The following CLGN variants were observed in gnomAD, a reference collection of about 807,000 sequenced individuals.
CLGN encodes calmegin, also known as testis tissue sperm-binding protein Li 79P.
Under a neutral mutation model 79.1 loss-of-function variants are expected in CLGN, and 62 were observed. The ratio of observed to expected loss-of-function variants is 0.78; its 90% confidence interval spans 0.64 to 0.97. CLGN has a LOEUF of 0.97. Among genes scored for constraint, CLGN ranks in the 50% least tolerant of loss-of-function variants. CLGN has a pLI of 0.00. For synonymous variants in CLGN, 225 were observed against 224.7 expected, an observed-to-expected ratio of 1.00 and a Z score of -0.01; for missense variants, 647 against 715.5, an observed-to-expected ratio of 0.90 and a Z score of 1.09.
At chr4:140,390,789 G>C in intron 13 of CLGN, 61 bp from the exon 14 acceptor site, 1 of 1,081,884 alleles carries the variant, frequency 9.2e-7, no homozygotes, top group Non-Finnish European at 1.3e-6. Context: ...CTACTGAAAA[G>C]TATTAAATAC....
intron 5 of CLGN, among the ~76,000 whole-genome samples, chr4:140,404,548 C>A (rs977152221): frequency 1.3e-5 from 2 of 151,898 alleles, no homozygotes; most frequent in East Asian, 3.9e-4. Flanking sequence ...TTTTATTTAC[C>A]CCATTTCATT....
chr4:140,425,622 C>CTTTTTTTTTTTTTT (rs60198755), intron 1 of CLGN, among the ~76,000 whole-genome samples: 4 of 97,192 alleles, frequency 4.1e-5, no homozygotes, highest in Non-Finnish European at 7.6e-5. Context: ...TTTGTAATTC[C>CTTTTTTTTTTTTTT]TTTTTTTTTT....
chr4:140,413,368 A>G (rs1729250416), intron 1 of CLGN, among the ~76,000 whole-genome samples: 1 of 152,214 alleles, frequency 6.6e-6, no homozygotes, highest in Non-Finnish European at 1.5e-5. Context: ...ATGGCCGAAT[A>G]GGAACAGCTC....
intron 14 of CLGN, among the ~76,000 whole-genome samples, chr4:140,389,937 T>C (rs1325824320): frequency 6.6e-6 from 1 of 151,938 alleles, no homozygotes; most frequent in East Asian, 1.9e-4. Context: ...TATGTTAGGA[T>C]GGTGACTCTG....
chr4:140,396,934 T>C (rs1560740131), intron 8 of CLGN, among the ~76,000 whole-genome samples: 1 of 143,630 alleles, frequency 7.0e-6, no homozygotes, highest in Admixed American at 7.2e-5. Flanking sequence ...CACATATATA[T>C]ATATACACAT....
intron 8 of CLGN, among the ~76,000 whole-genome samples, chr4:140,397,073 T>C (rs1384007506): frequency 2.0e-5 from 3 of 151,724 alleles, no homozygotes; most frequent in Non-Finnish European, 4.4e-5. Context: ...AATGCCATAG[T>C]GAATGTCCTA....
intron 1 of CLGN, among the ~76,000 whole-genome samples, chr4:140,422,660 A>G (rs1337480346): frequency 6.6e-6 from 1 of 152,200 alleles, no homozygotes; most frequent in Non-Finnish European, 1.5e-5. Context: ...TCTGTTACCC[A>G]GGCTGGAGTG....
At chr4:140,420,521 T>C (rs975096024) in intron 1 of CLGN, among the ~76,000 whole-genome samples, 1 of 150,108 alleles carries the variant, frequency 6.7e-6, no homozygotes, top group African/African-American at 2.4e-5. Flanking sequence ...CTGTAGACAA[T>C]GCAGTTCTAT....
Position 140,402,035 on chromosome 4 carries a change from A to T in CLGN, c.451T>A (p.Cys151Ser). 1.3e-6 allele frequency: 2 copies of T among 1,581,330 alleles called. No homozygotes were observed. The highest frequency in any genetic ancestry group is 1.7e-6 in the Non-Finnish European group (2 of 1,160,984). ...AGGAGTTTAATGTATGCACCTCCAC[A>T]ATCAATACCATCTTGAAAATTTACT... ...YEVNFQDGIDCGGAYIKLLAD... is the reference protein window; with the variant it reads ...YEVNFQDGIDSGGAYIKLLAD... The change falls in exon 6 of 15, where the codon TGT (cysteine) becomes AGT (serine). Residue 151 changes from cysteine to serine, a missense_variant. Transcript: ENST00000325617.
In CLGN at chr4:140,398,862, T is replaced by C. The variant is rs1306133967; in HGVS notation, c.873A>G (p.Lys291=). The part of the protein sequence containing the change: ...RAKIPDPSAV[K]PEDWDESEPA... ...AATTATTTGCTTACCAGTCTTCTGG[T>C]TTGACGGCAGAAGGATCAGGAATTT... The change falls in exon 8 of 15, where the codon AAA becomes AAG. Residue 291 remains lysine, a synonymous_variant. Transcript: ENST00000325617. 10 of 1,613,748 alleles carry C rather than the reference T, an allele frequency of 6.2e-6. No individual in the cohort carries two copies. In the East Asian group the frequency reaches 2.0e-4, roughly 32 times the overall value.
chr4:140,398,572 A>G (rs1728937825), intron 8 of CLGN, among the ~76,000 whole-genome samples: 1 of 152,084 alleles, frequency 6.6e-6, no homozygotes, highest in South Asian at 2.1e-4. Context: ...AAATTAAAGC[A>G]CTGGTATTTT....
At chr4:140,416,813 C>A (rs1253414575) in intron 1 of CLGN, among the ~76,000 whole-genome samples, 2 of 151,762 alleles carry the variant, frequency 1.3e-5, no homozygotes, top group Non-Finnish European at 2.9e-5. Flanking sequence ...CTATTCCAAT[C>A]AATAGAAAAA....
rs1728866081 is a variant in CLGN at position 140,395,967 on chromosome 4, T to C, written c.1001A>G (p.Asn334Ser). 1 of 1,596,594 alleles carries C rather than the reference T, an allele frequency of 6.3e-7. No individual in the cohort carries two copies. Among genetic ancestry groups the C allele is most frequent in the Admixed American group, 1.8e-5 (1 of 57,120 alleles). ...CTCCCATTCTCCATCCGTGTCTTCA[T>C]TCCTTAGGATATTAAAACAAAGCAA... ...DPNAEKPDDW[N>S]EDTDGEWEAP... is the part of the protein sequence containing the mutation. The change falls in exon 10 of 15, where the codon AAT becomes AGT. Residue 334 changes from asparagine to serine, a missense_variant and splice_region_variant. By Grantham distance (46) the Asn-to-Ser change is conservative. Coordinates refer to ENST00000325617, the MANE Select transcript of CLGN (RefSeq NM_004362.3).
At chr4:140,425,619 TTCC>T (rs1729551540) in intron 1 of CLGN, among the ~76,000 whole-genome samples, 1 of 148,896 alleles carries the variant, frequency 6.7e-6, no homozygotes, top group Non-Finnish European at 1.5e-5. Context: ...ATTTTTGTAA[TTCC>T]TTTTTTTTTT....
chr4:140,408,908 C>T (rs1280096703), intron 4 of CLGN, among the ~76,000 whole-genome samples: 1 of 149,174 alleles, frequency 6.7e-6, no homozygotes, highest in Non-Finnish European at 1.5e-5. Context: ...TATATATACA[C>T]ACATATATGT....
chr4:140,395,802 G>T lies in CLGN; in HGVS notation c.1149+17C>A. 1 of 1,395,976 alleles carries T rather than the reference G, an allele frequency of 7.2e-7. No homozygotes were observed. Among genetic ancestry groups the T allele is most frequent in the East Asian group, 2.5e-5 (1 of 39,388 alleles). 86.5% of individuals were successfully genotyped at this position (1,395,976 alleles called of 1,614,324 possible). On this transcript the variant is annotated intron_variant, in intron 10 of 14. Transcript: ENST00000325617. ...CATTTTTAACTTCACTAAATAATTG[G>T]AACAAGCGGTTGTTACCTGATAGTT...
rs1728871592 is a variant in CLGN, at chr4:140,396,213, TACA to T, written c.885-11_885-9del. On this transcript the variant is annotated splice_polypyrimidine_tract_variant and intron_variant, in intron 8 of 14. Coordinates refer to ENST00000325617, the MANE Select transcript of CLGN (RefSeq NM_004362.3). ...GCAGGTTCACTTTCATCCCTGTAAA[TACA>T]ACGTTTTATATTACTAATTATTCAG... is the stretch of plus-strand genomic sequence containing the variant. The T allele has an allele frequency of 1.3e-6, 2 of 1,582,274 alleles. No homozygotes were observed. The highest frequency in any genetic ancestry group is 1.1e-5 in the South Asian group (1 of 90,360).
At chr4:140,417,027 G>A (rs911993239) in intron 1 of CLGN, among the ~76,000 whole-genome samples, 28 of 151,638 alleles carry the variant, frequency 1.8e-4, no homozygotes, top group Non-Finnish European at 2.5e-4. Context: ...TCATCCCTGG[G>A]ATGCAAGGCT....
At chr4:140,397,584 C>T (rs1728916507) in intron 8 of CLGN, among the ~76,000 whole-genome samples, 1 of 151,876 alleles carries the variant, frequency 6.6e-6, no homozygotes, top group Non-Finnish European at 1.5e-5. Context: ...TAAAACTCTC[C>T]TTATTTAATT....
Sources: allele counts gnomAD v4.1 joint callset (sites outside exome capture counted in the v4.1 genomes callset), GRCh38; gene constraint gnomAD v4.1.1; transcripts MANE v1.5; gene names NCBI Gene and HGNC (gene_info 2026-07-23, HGNC 2026-07-21).